The following CBLN2 variants were observed in gnomAD, a reference collection of about 807,000 sequenced individuals.
CBLN2 encodes cerebellin-2.
CBLN2 carries 7 observed loss-of-function variants against 15.0 expected under a neutral mutation model. That is an observed-to-expected ratio of 0.47 (90% CI 0.27 to 0.88). The LOEUF is 0.88. Among genes scored for constraint, CBLN2 ranks in the 40% least tolerant of loss-of-function variants. CBLN2 has a pLI of 0.14. For synonymous variants in CBLN2, 149 were observed against 135.2 expected (o/e 1.10, Z -0.71); for missense variants, 242 against 304.5 (o/e 0.79, Z 1.53).
intron 1 of CBLN2, among the ~76,000 whole-genome samples, chr18:72,594,474 T>G (rs538098435): frequency 1.3e-5 from 2 of 152,198 alleles, no homozygotes; most frequent in East Asian, 1.9e-4. Flanking sequence ...TTTGTCTGGT[T>G]TTGGTATCAA....
At chr18:72,608,019 T>A (rs2069595171) in intron 1 of CBLN2, among the ~76,000 whole-genome samples, 1 of 152,232 alleles carries the variant, frequency 6.6e-6, no homozygotes, top group African/African-American at 2.4e-5. Context: ...CAACTTCTTA[T>A]CTATTTTCCA....
At chr18:72,554,719 C>A (rs1008829857) in intron 1 of CBLN2, among the ~76,000 whole-genome samples, 2 of 151,958 alleles carry the variant, frequency 1.3e-5, no homozygotes, top group Non-Finnish European at 2.9e-5. Context: ...ATACGCTTAG[C>A]CAAAATTTCA....
At chr18:72,613,932 T>C (rs998321257) in intron 1 of CBLN2, among the ~76,000 whole-genome samples, 2 of 152,194 alleles carry the variant, frequency 1.3e-5, no homozygotes, top group Non-Finnish European at 2.9e-5. Flanking sequence ...CAAAACGTCT[T>C]CTAAGACAAT....
chr18:72,544,148 A>G lies in CBLN2; in HGVS notation c.-383T>C, dbSNP rs1370891298. 2.0e-5 allele frequency: 3 copies of G among 148,922 alleles called. No individual in the cohort carries two copies. The highest frequency in any genetic ancestry group is 4.7e-4 in the East Asian group (2 of 4,230). The allele number at this position is 148,922 out of a possible 1,614,324, so 9.2% of individuals were successfully genotyped here. On this transcript the variant is annotated 5_prime_UTR_variant, in exon 1 of 5. Transcript: ENST00000269503. Reference sequence around the variant, plus strand: ...CATAATGACAGGAGCGAAAAAAACAATAAGTTAAAAAAAAAAAAAAGAAGA... The same window carrying G: ...CATAATGACAGGAGCGAAAAAAACAGTAAGTTAAAAAAAAAAAAAAGAAGA...
chr18:72,569,226 A>G lies in CBLN2; in HGVS notation c.16-30454T>C, dbSNP rs2069314865. On this transcript the variant is annotated intron_variant, in intron 1 of 2. Transcript: ENST00000581073. ...AATTTTATTCTTTTTAAAAATAATAATAGTAAAATGTTTTAGATGTTAATA... is the reference window on the plus strand; with the variant it reads ...AATTTTATTCTTTTTAAAAATAATAGTAGTAAAATGTTTTAGATGTTAATA... Among the ~76,000 whole-genome samples, 3 of 152,340 alleles carry G rather than the reference A, an allele frequency of 2.0e-5. No individual in the cohort carries two copies. In the South Asian group the frequency reaches 6.2e-4, roughly 32 times the overall value.
At chr18:72,549,218 G>T (rs7237938), upstream of CBLN2, among the ~76,000 whole-genome samples, 23,786 of 151,888 alleles carry the variant, frequency 0.16, 2,141 homozygotes, top group Admixed American at 0.29. Flanking sequence ...CACCATGTTG[G>T]CCAGGCTGGT....
intron 1 of CBLN2, among the ~76,000 whole-genome samples, chr18:72,559,676 A>G (rs562674859): frequency 3.6e-4 from 55 of 152,260 alleles, no homozygotes; most frequent in Non-Finnish European, 4.7e-4. Flanking sequence ...GGCATTTAAA[A>G]TGAATTCACC....
chr18:72,569,717 C>T (rs1056226360), intron 1 of CBLN2, among the ~76,000 whole-genome samples: 1 of 152,074 alleles, frequency 6.6e-6, no homozygotes, highest in Non-Finnish European at 1.5e-5. Flanking sequence ...ATGGCCAGAT[C>T]TCGTGTGAAC....
rs867136928 is a variant in CBLN2 at position 72,542,258 on chromosome 18, C to A, written c.-98G>T. The A allele has an allele frequency of 5.4e-6, 4 of 746,234 alleles. No homozygotes were observed. The African/African-American group carries it at 7.5e-5, about 14-fold the overall frequency. The allele number at this position is 746,234 out of a possible 1,614,324, so 46.2% of individuals were successfully genotyped here. On this transcript the variant is annotated 5_prime_UTR_variant, in exon 3 of 5. Coordinates refer to ENST00000269503, the MANE Select transcript of CBLN2 (RefSeq NM_182511.4). ...AACGCGCGGAGCTCGCAGCAGCCTC[C>A]GGGGGCCTTCGTCCCCGGCTCTGAC...
intron 1 of CBLN2, among the ~76,000 whole-genome samples, chr18:72,589,128 G>A (rs1354983358): frequency 6.6e-6 from 1 of 152,128 alleles, no homozygotes; most frequent in Admixed American, 6.6e-5. Flanking sequence ...CCACAAGAAC[G>A]TCAATTGCGG....
At chr18:72,619,287 G>A in intron 1 of CBLN2, 1 of 669,254 alleles carries the variant, frequency 1.5e-6, no homozygotes, top group South Asian at 1.4e-5. Flanking sequence ...GAAGCTACAG[G>A]TTACAACAGA....
chr18:72,636,962 GAA>G (rs74312574), intron 1 of CBLN2, among the ~76,000 whole-genome samples: 1 of 137,646 alleles, frequency 7.3e-6, no homozygotes, highest in African/African-American at 2.7e-5. Context: ...CAATACACAT[GAA>G]AAAAAAAATC....
chr18:72,538,126 G>C lies in CBLN2; in HGVS notation c.*50C>G. Reference sequence around the variant, plus strand: ...TAAGTTCAGGGTGTTTTAAAGGGCGGAGTCCTGGGTCCAGTTTGCCATTCC... The same window carrying C: ...TAAGTTCAGGGTGTTTTAAAGGGCGCAGTCCTGGGTCCAGTTTGCCATTCC... On this transcript the variant is annotated 3_prime_UTR_variant, in exon 5 of 5. Coordinates refer to ENST00000269503, the MANE Select transcript of CBLN2 (RefSeq NM_182511.4). 1 of 1,589,334 alleles carries C rather than the reference G, an allele frequency of 6.3e-7. No individual in the cohort carries two copies. The highest frequency in any genetic ancestry group is 8.6e-7 in the Non-Finnish European group (1 of 1,157,978).
intron 1 of CBLN2, among the ~76,000 whole-genome samples, chr18:72,605,417 C>A (rs1478084359): frequency 6.6e-6 from 1 of 152,118 alleles, no homozygotes; most frequent in African/African-American, 2.4e-5. Context: ...CCCAACTGGC[C>A]TTTGCTAAAG....
At chr18:72,575,552 A>C (rs1055704241) in intron 1 of CBLN2, among the ~76,000 whole-genome samples, 1 of 152,190 alleles carries the variant, frequency 6.6e-6, no homozygotes, top group Admixed American at 6.5e-5. Flanking sequence ...AGGGAGGTCC[A>C]TTTCTCCAGG....
At chr18:72,564,155 C>T (rs940506332) in intron 1 of CBLN2, among the ~76,000 whole-genome samples, 8 of 151,882 alleles carry the variant, frequency 5.3e-5, no homozygotes, top group African/African-American at 9.7e-5. Context: ...AAAAACAAGG[C>T]GACATGATAC....
chr18:72,605,680 A>T (rs910995242), intron 1 of CBLN2, among the ~76,000 whole-genome samples: 1 of 152,216 alleles, frequency 6.6e-6, no homozygotes, highest in Non-Finnish European at 1.5e-5. Context: ...TCAAATTCAC[A>T]TTACTTGTGG....
intron 1 of CBLN2, among the ~76,000 whole-genome samples, chr18:72,615,167 A>AAATATATATTTATATATTATATAT (rs1491518841): frequency 2.2e-5 from 3 of 134,106 alleles, no homozygotes; most frequent in South Asian, 2.2e-4. Context: ...AAATATATAT[A>AAATATATATTTATATATTATATAT]AATATATATT....
chr18:72,582,155 G>A (rs1173726802), intron 1 of CBLN2, among the ~76,000 whole-genome samples: 2 of 152,088 alleles, frequency 1.3e-5, no homozygotes, highest in African/African-American at 4.8e-5. Flanking sequence ...CTTTATATAT[G>A]GCAGTGCAAG....
Sources: gnomAD v4.1 joint callset for allele counts (sites outside exome capture counted in the v4.1 genomes callset) on GRCh38, gnomAD v4.1.1 for gene constraint, MANE v1.5 for transcripts, NCBI Gene and HGNC (gene_info 2026-07-23, HGNC 2026-07-21) for gene names.